The following TMEM192 variants were observed in gnomAD, a reference collection of about 807,000 sequenced individuals.
TMEM192 encodes transmembrane protein 192.
A neutral mutation model predicts 26.7 loss-of-function variants in TMEM192; 20 were observed. The observed-to-expected ratio is 0.75, with a 90% CI of 0.53 to 1.09. TMEM192 has a LOEUF of 1.09. Ranked by LOEUF, TMEM192 falls within the 50% of genes least tolerant of loss-of-function variation. The probability of loss-of-function intolerance (pLI) is 0.00; values close to 1 mark genes in which losing one functional copy is unlikely to be tolerated. For synonymous variants in TMEM192, 124 were observed against 121.0 expected, an observed-to-expected ratio of 1.02 and a Z score of -0.16; for missense variants, 304 against 322.6, an observed-to-expected ratio of 0.94 and a Z score of 0.44.
intron 1 of TMEM192, among the ~76,000 whole-genome samples, chr4:165,111,448 T>A (rs1020241285): frequency 4.6e-5 from 7 of 152,210 alleles, no homozygotes; most frequent in African/African-American, 1.7e-4. Flanking sequence ...ATCCTAAAGC[T>A]AAAAGCTACA....
intron 1 of TMEM192, among the ~76,000 whole-genome samples, chr4:165,105,972 T>A (rs1286099487): frequency 2.0e-5 from 3 of 152,164 alleles, no homozygotes; most frequent in Admixed American, 2.0e-4. Flanking sequence ...TTCCACTGCG[T>A]GAGGATGCAG....
intron 3 of TMEM192, among the ~76,000 whole-genome samples, chr4:165,092,146 G>T (rs1734781712): frequency 1.9e-5 from 2 of 102,666 alleles, no homozygotes; most frequent in Admixed American, 2.9e-4. Flanking sequence ...TTTTGAGATG[G>T]AGTCTTGCTC....
intron 1 of TMEM192, among the ~76,000 whole-genome samples, chr4:165,112,066 C>A (rs755319969): frequency 6.6e-6 from 1 of 152,306 alleles, no homozygotes; most frequent in African/African-American, 2.4e-5. Context: ...GTAAACTAGG[C>A]CACTGGTTTT....
chr4:165,075,364 CCTCCTGAGTAG>C lies in TMEM192; in HGVS notation c.*4283_*4293del. Reference sequence around the variant, plus strand: ...GGCTCAAGCAATTCTCCTGCCTCAGCCTCCTGAGTAGCTGGGATTACAGGCGCGCACCACCA... The same window carrying C: ...GGCTCAAGCAATTCTCCTGCCTCAGCCTGGGATTACAGGCGCGCACCACCA... On this transcript the variant is annotated 3_prime_UTR_variant, in exon 6 of 6. Coordinates refer to ENST00000306480, the MANE Select transcript of TMEM192 (RefSeq NM_001100389.2). The C allele has an allele frequency of 6.6e-6, 1 of 152,024 alleles. No individual in the cohort carries two copies. The highest frequency in any genetic ancestry group is 2.4e-5 in the African/African-American group (1 of 41,460). The allele number at this position is 152,024 out of a possible 1,614,324, so 9.4% of individuals were successfully genotyped here.
chr4:165,103,109 A>C lies in TMEM192; in HGVS notation c.28-13T>G. On this transcript the variant is annotated splice_polypyrimidine_tract_variant and intron_variant, in intron 1 of 5. Coordinates refer to ENST00000306480, the MANE Select transcript of TMEM192 (RefSeq NM_001100389.2). ...TATCCAAGGAACCCTGGGGTGCAGA[A>C]AAACAAGCAACCTATAATCACCACT... 2 of 1,591,982 alleles carry C rather than the reference A, an allele frequency of 1.3e-6. No homozygotes were observed. Among genetic ancestry groups the C allele is most frequent in the Non-Finnish European group, 1.7e-6 (2 of 1,170,728 alleles).
At chr4:165,100,015 C>A (rs957680825) in intron 3 of TMEM192, among the ~76,000 whole-genome samples, 3 of 152,024 alleles carry the variant, frequency 2.0e-5, no homozygotes, top group Non-Finnish European at 4.4e-5. Flanking sequence ...ATAGCAACAG[C>A]ATTTCTATCT....
chr4:165,095,357 G>C (rs1161619915), intron 3 of TMEM192, among the ~76,000 whole-genome samples: 3 of 152,196 alleles, frequency 2.0e-5, no homozygotes, highest in Non-Finnish European at 4.4e-5. Context: ...CTTGAAGTCA[G>C]ATGCTATGCT....
chr4:165,098,218 G>A (rs1009022538), intron 3 of TMEM192, among the ~76,000 whole-genome samples: 3 of 151,404 alleles, frequency 2.0e-5, no homozygotes, highest in African/African-American at 4.9e-5. Flanking sequence ...TCTGCCTCCC[G>A]GATTCAAGCA....
intron 1 of TMEM192, among the ~76,000 whole-genome samples, chr4:165,103,749 T>A (rs552029559): frequency 6.6e-6 from 1 of 152,274 alleles, no homozygotes; most frequent in African/African-American, 2.4e-5. Flanking sequence ...CGCGAACTCC[T>A]GACCTCAGGT....
At chr4:165,096,770 T>A (rs1166754548) in intron 3 of TMEM192, among the ~76,000 whole-genome samples, 2 of 152,104 alleles carry the variant, frequency 1.3e-5, no homozygotes, top group Non-Finnish European at 2.9e-5. Context: ...GGTCCAAGTG[T>A]TCAGAAATAG....
At chr4:165,092,014 A>T (rs1734777344) in intron 3 of TMEM192, among the ~76,000 whole-genome samples, 1 of 152,032 alleles carries the variant, frequency 6.6e-6, no homozygotes, top group South Asian at 2.1e-4. Context: ...ATGAAAATCC[A>T]GGACAAGTTA....
chr4:165,112,631 C>T (rs765969246), intron 1 of TMEM192, 116 bp downstream of exon 1: 18 of 1,464,932 alleles, frequency 1.2e-5, no homozygotes, highest in East Asian at 2.5e-5. Context: ...GCGCCCCCTT[C>T]GGCCGCGGCC....
chr4:165,095,261 C>T (rs956963971), intron 3 of TMEM192, among the ~76,000 whole-genome samples: 1 of 152,120 alleles, frequency 6.6e-6, no homozygotes, highest in African/African-American at 2.4e-5. Context: ...TGCCATATAT[C>T]ATTATTATTA....
At chr4:165,103,537 A>G (rs1735095420) in intron 1 of TMEM192, among the ~76,000 whole-genome samples, 1 of 92,628 alleles carries the variant, frequency 1.1e-5, no homozygotes, top group African/African-American at 3.8e-5. Flanking sequence ...TTTTTGAGAT[A>G]GAGTTTCACT....
intron 3 of TMEM192, among the ~76,000 whole-genome samples, chr4:165,094,713 G>A (rs1036093116): frequency 6.6e-6 from 1 of 151,944 alleles, no homozygotes; most frequent in Admixed American, 6.6e-5. Flanking sequence ...AGTGGCTCAC[G>A]CCTGTAATCC....
intron 1 of TMEM192, among the ~76,000 whole-genome samples, chr4:165,106,567 T>C (rs1243901675): frequency 1.3e-5 from 2 of 152,220 alleles, no homozygotes; most frequent in Non-Finnish European, 2.9e-5. Context: ...AAGCACAGAA[T>C]AGGCGTATAA....
At chr4:165,101,670 G>C (rs1265584767) in intron 2 of TMEM192, among the ~76,000 whole-genome samples, 1 of 152,188 alleles carries the variant, frequency 6.6e-6, no homozygotes, top group Admixed American at 6.6e-5. Flanking sequence ...GCACATGGTG[G>C]TACCAAGAAG....
chr4:165,100,862 C>T lies in TMEM192; in HGVS notation c.205G>A (p.Gly69Ser), dbSNP rs994756319. The change falls in exon 3 of 6, where the codon GGT becomes AGT. Residue 69 changes from glycine to serine, a missense_variant. Transcript: ENST00000306480. ...GGATTAGGATAAGAACAAAGCACAC[C>T]TGTTAAAAATGCTAAAACAACAAAC... ...LVFVVLAFLT[G>S]VLCSYPNPNE... 2 of 1,612,866 alleles carry T rather than the reference C, an allele frequency of 1.2e-6. No individual in the cohort carries two copies. Among genetic ancestry groups the T allele is most frequent in the African/African-American group, 1.3e-5 (1 of 74,766 alleles).
At chr4:165,107,779 C>T (rs1010329774) in intron 1 of TMEM192, among the ~76,000 whole-genome samples, 5 of 152,202 alleles carry the variant, frequency 3.3e-5, no homozygotes, top group African/African-American at 9.6e-5. Context: ...CCCAGCAAAA[C>T]CGCCTTCTCT....
Sources: gnomAD v4.1 joint callset for allele counts (sites outside exome capture counted in the v4.1 genomes callset) on GRCh38, gnomAD v4.1.1 for gene constraint, MANE v1.5 for transcripts, NCBI Gene and HGNC (gene_info 2026-07-23, HGNC 2026-07-21) for gene names.